Variants in ROBO2 observed in about 807,000 individuals in gnomAD.
The protein encoded by ROBO2 is roundabout homolog 2.
Under a neutral mutation model 160.8 loss-of-function variants are expected in ROBO2, and 53 were observed. The observed-to-expected ratio is 0.33, with a 90% CI of 0.26 to 0.41. The LOEUF (loss-of-function observed/expected upper bound fraction) is 0.41. Among genes scored for constraint, ROBO2 ranks in the 10% least tolerant of loss-of-function variants. The probability of loss-of-function intolerance (pLI) is 1.00; values close to 1 mark genes in which losing one functional copy is unlikely to be tolerated. For synonymous variants in ROBO2, 664 were observed against 611.7 expected, an observed-to-expected ratio of 1.09 and a Z score of -1.26; for missense variants, 1,577 against 1,722.4, an observed-to-expected ratio of 0.92 and a Z score of 1.49.
At chr3:77,337,939 T>A (rs536802121) in intron 2 of ROBO2, among the ~76,000 whole-genome samples, 1 of 152,304 alleles carries the variant, frequency 6.6e-6, no homozygotes, top group South Asian at 2.1e-4. Context: ...CCAAGTTTGT[T>A]ATAGTAAATA....
At chr3:77,639,265 A>G (rs2095312954) in intron 24 of ROBO2, among the ~76,000 whole-genome samples, 1 of 152,212 alleles carries the variant, frequency 6.6e-6, no homozygotes, top group Non-Finnish European at 1.5e-5. Context: ...TAAGTATATA[A>G]CATATAATAG....
chr3:77,000,420 T>A (rs572808417), intron 2 of ROBO2, among the ~76,000 whole-genome samples: 1 of 152,310 alleles, frequency 6.6e-6, no homozygotes, highest in East Asian at 1.9e-4. Flanking sequence ...TCAGTTTATC[T>A]CCTTATTCAA....
intron 2 of ROBO2, among the ~76,000 whole-genome samples, chr3:76,539,182 T>G (rs995370173): frequency 1.3e-5 from 2 of 151,858 alleles, no homozygotes; most frequent in Admixed American, 1.3e-4. Flanking sequence ...CATCACACAC[T>G]GGGGCCTGTC....
At chr3:77,421,053 T>C (rs2077669347) in intron 2 of ROBO2, among the ~76,000 whole-genome samples, 1 of 152,166 alleles carries the variant, frequency 6.6e-6, no homozygotes, top group Admixed American at 6.5e-5. Context: ...AAAACCATCA[T>C]AGTCTTTCCT....
intron 2 of ROBO2, among the ~76,000 whole-genome samples, chr3:77,188,545 A>G (rs1185071703): frequency 1.3e-5 from 2 of 151,868 alleles, no homozygotes; most frequent in East Asian, 1.9e-4. Context: ...GCATTTTCAT[A>G]CTTATGTATG....
At chr3:76,413,988 A>G (rs528534847) in intron 2 of ROBO2, among the ~76,000 whole-genome samples, 1 of 152,338 alleles carries the variant, frequency 6.6e-6, no homozygotes, top group Non-Finnish European at 1.5e-5. Context: ...AGGCCTCAGA[A>G]TCATGGCAGG....
intron 1 of ROBO2, among the ~76,000 whole-genome samples, chr3:77,096,017 A>C (rs2071012602): frequency 6.6e-6 from 1 of 152,152 alleles, no homozygotes; most frequent in Non-Finnish European, 1.5e-5. Flanking sequence ...GATGTGATTA[A>C]AAAAATAGCA....
chr3:76,188,021 C>T (rs190174219), intron 2 of ROBO2, among the ~76,000 whole-genome samples: 4 of 152,202 alleles, frequency 2.6e-5, no homozygotes, highest in East Asian at 1.9e-4. Flanking sequence ...TCTGTGCACT[C>T]AGATTGCAAA....
chr3:77,583,899 C>G (rs573110081), intron 16 of ROBO2, among the ~76,000 whole-genome samples: 1 of 152,068 alleles, frequency 6.6e-6, no homozygotes, highest in Non-Finnish European at 1.5e-5. Context: ...TGCCCTTATT[C>G]TCAAGACAAA....
At chr3:76,041,774 T>C (rs541425253) in intron 2 of ROBO2, among the ~76,000 whole-genome samples, 1 of 152,018 alleles carries the variant, frequency 6.6e-6, no homozygotes, top group African/African-American at 2.4e-5. Context: ...TAATTATTGC[T>C]TATGACATTT....
At chr3:76,322,163 C>CGT (rs2072584318) in intron 2 of ROBO2, among the ~76,000 whole-genome samples, 2 of 40,158 alleles carry the variant, frequency 5.0e-5, no homozygotes, top group African/African-American at 1.9e-4. Flanking sequence ...CTACTTCTTC[C>CGT]GTATATATAT....
chr3:77,379,198 G>A (rs564109748), intron 2 of ROBO2, among the ~76,000 whole-genome samples: 25 of 152,006 alleles, frequency 1.6e-4, no homozygotes, highest in Non-Finnish European at 3.2e-4. Context: ...CACCTGCCTC[G>A]GCCTCCCCAA....
At chr3:77,083,477 A>G (rs1453946336) in intron 1 of ROBO2, among the ~76,000 whole-genome samples, 1 of 152,182 alleles carries the variant, frequency 6.6e-6, no homozygotes, top group Admixed American at 6.5e-5. Flanking sequence ...AAAAGCAATC[A>G]CTAACTGTTC....
chr3:76,881,474 T>C (rs2148747897), intron 2 of ROBO2, among the ~76,000 whole-genome samples: 1 of 152,358 alleles, frequency 6.6e-6, no homozygotes, highest in South Asian at 2.1e-4. Flanking sequence ...TTTCTTTTTC[T>C]GGACTTCATC....
chr3:77,452,283 T>C (rs892608538), intron 2 of ROBO2, among the ~76,000 whole-genome samples: 1 of 152,200 alleles, frequency 6.6e-6, no homozygotes, highest in Non-Finnish European at 1.5e-5. Context: ...ACATTTCATG[T>C]GGGAAACAGG....
At chr3:77,001,263 T>C (rs1306650857) in intron 2 of ROBO2, among the ~76,000 whole-genome samples, 2 of 152,186 alleles carry the variant, frequency 1.3e-5, no homozygotes, top group African/African-American at 4.8e-5. Flanking sequence ...TGTCAGCTAA[T>C]GCCAGTAGTA....
chr3:77,277,157 C>CTTCTTTCCTTCTTTCCTTCTTTCT (rs1553882840), intron 2 of ROBO2, among the ~76,000 whole-genome samples: 170 of 88,186 alleles, frequency 1.9e-3, no homozygotes, highest in African/African-American at 7.1e-3. Context: ...TCCTTCTTTC[C>CTTCTTTCCTTCTTTCCTTCTTTCT]TTCTTTCTTT....
intron 2 of ROBO2, among the ~76,000 whole-genome samples, chr3:77,423,929 T>C (rs2153534673): frequency 6.6e-6 from 1 of 152,278 alleles, no homozygotes; most frequent in African/African-American, 2.4e-5. Context: ...CAGTGCTGAC[T>C]GAATGAATAT....
At chr3:75,927,122 A>G (rs1217393249) in intron 1 of ROBO2, among the ~76,000 whole-genome samples, 1 of 152,202 alleles carries the variant, frequency 6.6e-6, no homozygotes, top group African/African-American at 2.4e-5. Flanking sequence ...GTCATTCTTT[A>G]TCAAGGTCCT....
Sources: gnomAD v4.1 joint callset for allele counts (sites outside exome capture counted in the v4.1 genomes callset) on GRCh38, gnomAD v4.1.1 for gene constraint, MANE v1.5 for transcripts, NCBI Gene and HGNC (gene_info 2026-07-23, HGNC 2026-07-21) for gene names.